PDZD2: variants seen among roughly 807,000 people sequenced by gnomAD.
PDZD2 encodes the protein PDZ domain containing 2.
A neutral mutation model predicts 220.7 loss-of-function variants in PDZD2; 90 were observed. The observed-to-expected ratio is 0.41, with a 90% CI of 0.34 to 0.49. PDZD2 has a LOEUF of 0.49. Ranked by LOEUF, PDZD2 falls within the 20% of genes least tolerant of loss-of-function variation. The pLI, the probability that PDZD2 is intolerant of heterozygous loss-of-function variation, is 0.28. For missense variants in PDZD2, 3,174 were observed against 3,608.5 expected, an observed-to-expected ratio of 0.88 and a Z score of 3.08; for synonymous variants, 1,375 against 1,450.5, an observed-to-expected ratio of 0.95 and a Z score of 1.18.
At chr5:31,873,533 TTTTATTTATTTATTTATTTA>T (rs57704132) in intron 2 of PDZD2, among the ~76,000 whole-genome samples, 33 of 143,998 alleles carry the variant, frequency 2.3e-4, no homozygotes, top group African/African-American at 6.9e-4. Flanking sequence ...TGAAAATTCT[TTTTATTTATTTATTTATTTA>T]TTTATTTATT....
chr5:32,039,316 G>A (rs1006635320), intron 7 of PDZD2, among the ~76,000 whole-genome samples: 10 of 151,798 alleles, frequency 6.6e-5, no homozygotes, highest in Admixed American at 1.3e-4. Flanking sequence ...CGCGTTGACC[G>A]GGCTGGTCTC....
chr5:32,010,528 C>T (rs1484665467), intron 6 of PDZD2, 46 bp downstream of exon 6: 1 of 1,445,596 alleles, frequency 6.9e-7, no homozygotes. Flanking sequence ...TTACTTTTTT[C>T]TGAAGTCCTG....
chr5:31,891,558 G>A (rs368156816), intron 2 of PDZD2, among the ~76,000 whole-genome samples: 1 of 151,118 alleles, frequency 6.6e-6, no homozygotes, highest in Non-Finnish European at 1.5e-5. Flanking sequence ...CAGGTGATCC[G>A]CCCGCCTCTG....
At chr5:31,965,571 C>T (rs1409687981) in intron 2 of PDZD2, among the ~76,000 whole-genome samples, 2 of 152,136 alleles carry the variant, frequency 1.3e-5, no homozygotes, top group Non-Finnish European at 2.9e-5. Flanking sequence ...TAGGGCTTTA[C>T]AAGAAACTGC....
intron 1 of PDZD2, among the ~76,000 whole-genome samples, chr5:31,752,073 G>GTTTTGTTTTTTT (rs1751018299): frequency 2.1e-5 from 2 of 95,064 alleles, no homozygotes; most frequent in African/African-American, 8.4e-5. Flanking sequence ...TTTTGGGTTT[G>GTTTTGTTTTTTT]TTTTTTTTTT....
At chr5:32,050,654 C>T (rs774015574) in intron 8 of PDZD2, among the ~76,000 whole-genome samples, 9 of 152,028 alleles carry the variant, frequency 5.9e-5, no homozygotes, top group East Asian at 5.8e-4. Flanking sequence ...CTTATCTTTA[C>T]GAAAACAAAT....
chr5:31,862,101 G>GATTT (rs1554084877), intron 2 of PDZD2, among the ~76,000 whole-genome samples: 1 of 78,496 alleles, frequency 1.3e-5, no homozygotes, highest in Admixed American at 1.6e-4. Context: ...TTTTTTTTGG[G>GATTT]TTTTTTTTTT....
chr5:31,983,119 G>T (rs1405910264), intron 2 of PDZD2, 36 bp from the exon 3 acceptor site: 1 of 1,588,780 alleles, frequency 6.3e-7, no homozygotes, highest in African/African-American at 1.3e-5. Context: ...GGAAGGGTGT[G>T]TGGGGTTCTA....
intron 2 of PDZD2, among the ~76,000 whole-genome samples, chr5:31,878,555 CTT>C (rs397884384): frequency 0.023 from 1,085 of 48,064 alleles, 2 homozygotes; most frequent in Middle Eastern, 0.083. Flanking sequence ...ATGACCTCGG[CTT>C]TTTTTTTTTT....
At chr5:31,732,489 C>T (rs1317615007) in intron 1 of PDZD2, among the ~76,000 whole-genome samples, 1 of 152,148 alleles carries the variant, frequency 6.6e-6, no homozygotes, top group Non-Finnish European at 1.5e-5. Context: ...AGGATGGAGC[C>T]CAGGCCAGAA....
intron 1 of PDZD2, among the ~76,000 whole-genome samples, chr5:31,701,864 G>C (rs147817531): frequency 0.014 from 2,178 of 152,332 alleles, 60 homozygotes; most frequent in African/African-American, 0.049. Context: ...CAGATAAATA[G>C]AGCTTTCTGT....
At chr5:31,938,809 A>G (rs556188501) in intron 2 of PDZD2, among the ~76,000 whole-genome samples, 4 of 152,288 alleles carry the variant, frequency 2.6e-5, no homozygotes, top group African/African-American at 9.6e-5. Context: ...GTGCTCCTCT[A>G]CCCAGCACAG....
At chr5:31,675,291 C>T (rs1394491627) in intron 1 of PDZD2, among the ~76,000 whole-genome samples, 1 of 152,072 alleles carries the variant, frequency 6.6e-6, no homozygotes, top group African/African-American at 2.4e-5. Flanking sequence ...GCTCCTTCTC[C>T]CCGCTCCCAC....
intron 1 of PDZD2, among the ~76,000 whole-genome samples, chr5:31,792,965 A>G (rs1753807593): frequency 6.6e-6 from 1 of 151,706 alleles, no homozygotes; most frequent in Non-Finnish European, 1.5e-5. Context: ...CAGCCTCCCT[A>G]GTAGCTGGGA....
intron 2 of PDZD2, among the ~76,000 whole-genome samples, chr5:31,883,023 CAAAAAAAAAAAAAAA>C (rs781370177): frequency 2.1e-5 from 1 of 47,950 alleles, no homozygotes; most frequent in Non-Finnish European, 3.6e-5. Flanking sequence ...GACTCTGTCT[CAAAAAAAAAAAAAAA>C]AAAAAAAAAA....
chr5:31,998,023 A>C (rs1057227696), intron 4 of PDZD2, among the ~76,000 whole-genome samples: 1 of 152,100 alleles, frequency 6.6e-6, no homozygotes, highest in Non-Finnish European at 1.5e-5. Flanking sequence ...TTGTATTTTT[A>C]GTAGAGACGG....
intron 1 of PDZD2, among the ~76,000 whole-genome samples, chr5:31,741,375 TAA>T (rs34030596): frequency 6.8e-6 from 1 of 147,960 alleles, no homozygotes; most frequent in African/African-American, 2.6e-5. Flanking sequence ...TTTTTTTTTT[TAA>T]AAAGGCTCCT....
intron 2 of PDZD2, among the ~76,000 whole-genome samples, chr5:31,904,374 T>A (rs1263814154): frequency 6.6e-6 from 1 of 152,180 alleles, no homozygotes; most frequent in Non-Finnish European, 1.5e-5. Flanking sequence ...AGAAAATAGA[T>A]CTCTTATCTT....
chr5:31,781,054 G>A (rs554280033), intron 1 of PDZD2, among the ~76,000 whole-genome samples: 1 of 152,210 alleles, frequency 6.6e-6, no homozygotes, highest in African/African-American at 2.4e-5. Context: ...CCACCGATCA[G>A]TTAGGCCCTT....
Sources: gnomAD v4.1 joint callset for allele counts (sites outside exome capture counted in the v4.1 genomes callset) on GRCh38, gnomAD v4.1.1 for gene constraint, MANE v1.5 for transcripts, NCBI Gene and HGNC (gene_info 2026-07-23, HGNC 2026-07-21) for gene names.